ZNF266: variants seen among roughly 807,000 people sequenced by gnomAD.
The protein encoded by ZNF266 is zinc finger protein 266.
ZNF266 carries 16 observed loss-of-function variants against 16.4 expected under a neutral mutation model. That is an observed-to-expected ratio of 0.98 (90% CI 0.66 to 1.48). ZNF266 has a LOEUF of 1.48. ZNF266 is among the 40% of genes most tolerant of loss of function. ZNF266 has a pLI of 0.00. For synonymous variants in ZNF266, 262 were observed against 237.9 expected, an observed-to-expected ratio of 1.10 and a Z score of -0.93; for missense variants, 738 against 689.1, an observed-to-expected ratio of 1.07 and a Z score of -0.79.
intron 6 of ZNF266, chr19:9,419,530 T>C (rs1285628740): frequency 6.6e-6 from 1 of 152,240 alleles, no homozygotes; most frequent in East Asian, 1.9e-4. Flanking sequence ...AACAGTCTTA[T>C]TTTACAGATA....
Position 9,415,761 on chromosome 19 carries a change from G to GT in ZNF266, c.317-20dup. On this transcript the variant is annotated intron_variant, in intron 9 of 10. Transcript: ENST00000592904. ...TCTGAAGCTGAAGAGAAAAAGAAAT[G>GT]TAAGGGTTTGGAGACATACAGGGTA... The GT allele has an allele frequency of 6.2e-7, 1 of 1,601,954 alleles. No homozygotes were observed. The highest frequency in any genetic ancestry group is 1.1e-5 in the South Asian group (1 of 90,860).
At chr19:9,422,000 G>A (rs562295756) in intron 5 of ZNF266, among the ~76,000 whole-genome samples, 8 of 152,142 alleles carry the variant, frequency 5.3e-5, no homozygotes, top group East Asian at 1.9e-4. Flanking sequence ...ATAGGCACCC[G>A]CCACCACACC....
At position 9,418,536 on chromosome 19, in the gene ZNF266, C is replaced by T. The variant is rs1217345911; in HGVS notation, c.204G>A (p.Met68Ile). The T allele has an allele frequency of 6.2e-7, 1 of 1,614,082 alleles. No individual in the cohort carries two copies. Among genetic ancestry groups the T allele is most frequent in the Non-Finnish European group, 8.5e-7 (1 of 1,180,032 alleles). ...TGGCCAAATTCTTGTAGTTCTCCAG[C>T]ATCACATCTCTGTAGAGGTTTCTCT... ...PTQRNLYRDV[M>I]LENYKNLATV... is the part of the protein sequence containing the mutation. Residue 68 changes from methionine (M) to isoleucine (I), a missense_variant, in exon 8 of 11, where the codon ATG (methionine) becomes ATA (isoleucine). Physicochemically the swap from Met to Ile is conservative, Grantham distance 10. Coordinates refer to ENST00000592904, the MANE Select transcript of ZNF266 (RefSeq NM_001370374.1).
At chr19:9,430,006 A>AC (rs1017800224) in intron 5 of ZNF266, among the ~76,000 whole-genome samples, 4 of 108,202 alleles carry the variant, frequency 3.7e-5, no homozygotes, top group South Asian at 3.6e-4. Flanking sequence ...CTCCTACCCC[A>AC]CCCCCCCACC....
At chr19:9,428,317 C>T (rs1410444867) in intron 5 of ZNF266, among the ~76,000 whole-genome samples, 1 of 152,220 alleles carries the variant, frequency 6.6e-6, no homozygotes, top group African/African-American at 2.4e-5. Flanking sequence ...ATCTCAGGCC[C>T]TTGGGTCTAA....
chr19:9,427,018 A>G (rs2070850472), intron 5 of ZNF266, among the ~76,000 whole-genome samples: 1 of 152,236 alleles, frequency 6.6e-6, no homozygotes, highest in South Asian at 2.1e-4. Context: ...ATGGATAATT[A>G]GTTGAAATAT....
intron 5 of ZNF266, among the ~76,000 whole-genome samples, chr19:9,424,006 C>T (rs938388490): frequency 4.6e-5 from 7 of 151,758 alleles, no homozygotes; most frequent in African/African-American, 1.7e-4. Flanking sequence ...CAAAACAAAA[C>T]AAAAAAATAG....
In ZNF266 at chr19:9,413,034, C is replaced by G. The variant is rs963058615; in HGVS notation, c.*241G>C. Reference sequence around the variant, plus strand: ...GGATTCAGAAAGGTATTCCCAGATTCTCTACATTCATACAGTTTCTCTCCA... The same window carrying G: ...GGATTCAGAAAGGTATTCCCAGATTGTCTACATTCATACAGTTTCTCTCCA... On this transcript the variant is annotated 3_prime_UTR_variant, in exon 11 of 11. Coordinates refer to ENST00000592904, the MANE Select transcript of ZNF266 (RefSeq NM_001370374.1). 3.6e-5 allele frequency: 19 copies of G among 529,712 alleles called. No homozygotes were observed. The highest frequency in any genetic ancestry group is 5.9e-5 in the Non-Finnish European group (18 of 305,096). 32.8% of individuals were successfully genotyped at this position (529,712 alleles called of 1,614,324 possible).
At chr19:9,415,996 G>C (rs183655365) in intron 9 of ZNF266, among the ~76,000 whole-genome samples, 1 of 152,066 alleles carries the variant, frequency 6.6e-6, no homozygotes, top group East Asian at 2.0e-4. Context: ...GCTAATTTTT[G>C]TATTTTTAGT....
chr19:9,415,902 C>T (rs1319173826), intron 9 of ZNF266, among the ~76,000 whole-genome samples, 160 bp from the exon 10 acceptor site: 2 of 152,194 alleles, frequency 1.3e-5, no homozygotes, highest in Non-Finnish European at 2.9e-5. Flanking sequence ...CAGCTCACTG[C>T]AACCTCTGCC....
chr19:9,414,559 G>A lies in ZNF266; in HGVS notation c.567C>T (p.Thr189=), dbSNP rs149673832. 1.9e-5 allele frequency: 30 copies of A among 1,613,810 alleles called. No homozygotes were observed. The African/African-American group carries it at 3.2e-4, about 17-fold the overall frequency. ...ATACAGAACGTTGCTCTCCAGTAGA[G>A]GTTTTCTTGTGCAGAGTAAGGAAGT... is the stretch of plus-strand genomic sequence containing the variant. ...GVDFLTLHKK[T]STGEQRSVFS... is the part of the protein sequence containing the mutation. Residue 189 remains threonine (T), a synonymous_variant, in exon 11 of 11, where the codon ACC becomes ACT. Coordinates refer to ENST00000592904, the MANE Select transcript of ZNF266 (RefSeq NM_001370374.1).
At chr19:9,423,552 AGT>A (rs2070252182) in intron 5 of ZNF266, among the ~76,000 whole-genome samples, 1 of 152,214 alleles carries the variant, frequency 6.6e-6, no homozygotes, top group East Asian at 1.9e-4. Context: ...CTACATGAAA[AGT>A]GGAATCGCAT....
In ZNF266 at chr19:9,413,786, T is replaced by C. The variant is rs142200288; in HGVS notation, c.1340A>G (p.Tyr447Cys). 13 of 1,613,990 alleles carry C rather than the reference T, an allele frequency of 8.1e-6. No individual in the cohort carries two copies. Among genetic ancestry groups the C allele is most frequent in the African/African-American group, 1.3e-5 (1 of 74,906 alleles). ...HARTHSGERP[Y>C]ECKECGKAFA... ...GGCCTTTCCACATTCCTTACATTCATAGGGCCTCTCTCCACTGTGAGTTCG... is the reference window on the plus strand; with the variant it reads ...GGCCTTTCCACATTCCTTACATTCACAGGGCCTCTCTCCACTGTGAGTTCG... The change falls in exon 11 of 11, where the codon TAT becomes TGT. Residue 447 changes from tyrosine (Y) to cysteine (C), a missense_variant. Transcript: ENST00000592904.
chr19:9,431,100 A>C (rs1463775320), intron 5 of ZNF266, among the ~76,000 whole-genome samples: 1 of 151,972 alleles, frequency 6.6e-6, no homozygotes, highest in Non-Finnish European at 1.5e-5. Context: ...CAGAGACAGA[A>C]GCCTCAGGAC....
At position 9,413,254 on chromosome 19, in the gene ZNF266, C is replaced by G. The variant is rs1396780349; in HGVS notation, c.*21G>C. The G allele has an allele frequency of 1.3e-6, 2 of 1,552,482 alleles. No homozygotes were observed. Among genetic ancestry groups the G allele is most frequent in the Non-Finnish European group, 1.7e-6 (2 of 1,151,538 alleles). ...ATGTCTTCAGAGAGAACAGGGACACCTTTAGGTTTTCCCACATTCCTTATG... is the reference window on the plus strand; with the variant it reads ...ATGTCTTCAGAGAGAACAGGGACACGTTTAGGTTTTCCCACATTCCTTATG... On this transcript the variant is annotated 3_prime_UTR_variant, in exon 11 of 11. Coordinates refer to ENST00000592904, the MANE Select transcript of ZNF266 (RefSeq NM_001370374.1).
At position 9,422,250 on chromosome 19, in the gene ZNF266, C is replaced by T. The variant is rs547437839; in HGVS notation, c.-129-2032G>A. On this transcript the variant is annotated intron_variant, in intron 5 of 10. Coordinates refer to ENST00000592904, the MANE Select transcript of ZNF266 (RefSeq NM_001370374.1). ...TGCAACTTGCTTTTCTTTGTGGAGT[C>T]TCTGTATCTCATGGGCAGCCTTAGG... 5.7e-4 allele frequency among the ~76,000 whole-genome samples: 87 copies of T among 152,294 alleles called. No homozygotes were observed. In the South Asian group the frequency reaches 5.8e-3, roughly 10 times the overall value.
chr19:9,427,846 AT>A (rs752084915), intron 5 of ZNF266, among the ~76,000 whole-genome samples: 2 of 152,198 alleles, frequency 1.3e-5, no homozygotes, highest in Admixed American at 6.5e-5. Flanking sequence ...TTGACATGTC[AT>A]TAAGGGGAAG....
Position 9,414,687 on chromosome 19 carries a change from C to T in ZNF266, c.439G>A (p.Val147Ile), listed in dbSNP as rs141027700. ...GSHNGGEVSD[V>I]KQCGDVSSEH... Reference sequence around the variant, plus strand: ...CTGGAGACATCTCCACATTGCTTAACATCACTGACCTCCCCTCCGTTGTGG... The same window carrying T: ...CTGGAGACATCTCCACATTGCTTAATATCACTGACCTCCCCTCCGTTGTGG... Residue 147 changes from valine to isoleucine, a missense_variant, in exon 11 of 11, where the codon GTT (valine) becomes ATT (isoleucine). By Grantham distance (29) the Val-to-Ile change is conservative. Transcript: ENST00000592904. 1.3e-4 allele frequency: 210 copies of T among 1,584,258 alleles called. 1 individual carries two copies. The African/African-American group carries it at 2.4e-3, about 18-fold the overall frequency.
chr19:9,420,299 G>A (rs1282885166), intron 5 of ZNF266, 81 bp from the exon 6 acceptor site: 2 of 152,204 alleles, frequency 1.3e-5, no homozygotes, highest in Non-Finnish European at 2.9e-5. Context: ...AGAGCATATA[G>A]AGGAAAAGAC....
Sources: allele counts gnomAD v4.1 joint callset (sites outside exome capture counted in the v4.1 genomes callset), GRCh38; gene constraint gnomAD v4.1.1; transcripts MANE v1.5; gene names NCBI Gene and HGNC (gene_info 2026-07-23, HGNC 2026-07-21).